The following PTGER4 variants were observed in gnomAD, a reference collection of about 807,000 sequenced individuals.
PTGER4 encodes prostaglandin E receptor 4.
Under a neutral mutation model 33.2 loss-of-function variants are expected in PTGER4, and 11 were observed. That is an observed-to-expected ratio of 0.33 (90% CI 0.21 to 0.55). The LOEUF is 0.55. Ranked by LOEUF, PTGER4 falls within the 20% of genes least tolerant of loss-of-function variation. PTGER4 has a pLI of 0.92. For missense variants in PTGER4, 481 were observed against 650.2 expected, an observed-to-expected ratio of 0.74 and a Z score of 2.83; for synonymous variants, 275 against 281.5, an observed-to-expected ratio of 0.98 and a Z score of 0.23.
chr5:40,728,689 A>C, the PTGER4 span, among the ~76,000 whole-genome samples: 1 of 152,094 alleles, frequency 6.6e-6, no homozygotes, highest in Non-Finnish European at 1.5e-5. Flanking sequence ...TTCCCTTTCC[A>C]GTTATTGAAT....
At chr5:40,723,075 T>C in the PTGER4 span, among the ~76,000 whole-genome samples, 9 of 152,148 alleles carry the variant, frequency 5.9e-5, no homozygotes, top group Admixed American at 5.2e-4. Flanking sequence ...GAGACTCCAT[T>C]TTGTTCTGTA....
the PTGER4 span, among the ~76,000 whole-genome samples, chr5:40,699,020 T>G: frequency 6.6e-6 from 1 of 152,196 alleles, no homozygotes; most frequent in Admixed American, 6.5e-5. Flanking sequence ...ACCCATGATG[T>G]ATTCTTGCCG....
Position 40,691,974 on chromosome 5 carries a change from C to T in PTGER4, c.1063C>T (p.Arg355Cys), listed in dbSNP as rs751358283. 5.9e-5 allele frequency: 96 copies of T among 1,613,954 alleles called. 1 individual carries two copies. The Admixed American group carries it at 1.5e-3, about 25-fold the overall frequency. Residue 355 changes from arginine to cysteine, a missense_variant, in exon 3 of 3, where the codon CGC becomes TGC. Transcript: ENST00000302472. The surrounding 1 kb of genome is among the most constrained non-coding windows in gnomAD (Gnocchi z 4.2). ...CCTCTTCTGCCGCATTGGCGGGTCC[C>T]GCAGGGAGCGCTCCGGACAGCACTG... ...KCLFCRIGGSRRERSGQHCSD... is the reference protein window; with the variant it reads ...KCLFCRIGGSCRERSGQHCSD...
At chr5:40,744,358 TAA>T in the PTGER4 span, among the ~76,000 whole-genome samples, 1 of 152,134 alleles carries the variant, frequency 6.6e-6, no homozygotes, top group East Asian at 1.9e-4. Context: ...TGTTTTATAT[TAA>T]GTTATAATAA....
At chr5:40,738,395 A>G in the PTGER4 span, among the ~76,000 whole-genome samples, 1 of 151,572 alleles carries the variant, frequency 6.6e-6, no homozygotes, top group African/African-American at 2.4e-5. Flanking sequence ...AGCCTGGGCA[A>G]CAGAGCAAGA....
chr5:40,691,892 G>T lies in PTGER4; in HGVS notation c.981G>T (p.Trp327Cys). 1.2e-6 allele frequency: 2 copies of T among 1,614,214 alleles called. No homozygotes were observed. Among genetic ancestry groups the T allele is most frequent in the Non-Finnish European group, 1.7e-6 (2 of 1,180,042 alleles). The change falls in exon 3 of 3, where the codon TGG becomes TGT. Residue 327 changes from tryptophan (W) to cysteine (C), a missense_variant. Transcript: ENST00000302472. This position sits in a 1 kb window ranked among gnomAD's most constrained non-coding sequence, Gnocchi z 4.2. The stretch of plus-strand genomic sequence containing the variant: ...CTGTGAACCCCATCCTAGACCCCTG[G>T]ATATATATCCTCCTGAGAAAGACAG... ...IASVNPILDP[W>C]IYILLRKTVL...
chr5:40,719,368 G>A, the PTGER4 span, among the ~76,000 whole-genome samples: 5 of 152,176 alleles, frequency 3.3e-5, no homozygotes, highest in Non-Finnish European at 5.9e-5. Flanking sequence ...AAGTTCATCC[G>A]TGTTGTAACA....
chr5:40,722,953 TGA>T, the PTGER4 span, among the ~76,000 whole-genome samples: 1 of 152,134 alleles, frequency 6.6e-6, no homozygotes, highest in Non-Finnish European at 1.5e-5. Flanking sequence ...AACAGCTCAT[TGA>T]GAGCGGGCCA....
the PTGER4 span, chr5:40,730,180 C>A: frequency 9.8e-7 from 1 of 1,018,808 alleles, no homozygotes; most frequent in African/African-American, 1.6e-5. Flanking sequence ...GGAGAAAATG[C>A]TATTTTGCTT....
chr5:40,706,260 A>G, the PTGER4 span, among the ~76,000 whole-genome samples: 1 of 152,176 alleles, frequency 6.6e-6, no homozygotes, highest in Non-Finnish European at 1.5e-5. Flanking sequence ...CTCACTTATA[A>G]GTGGGAGCTA....
chr5:40,717,653 G>T, the PTGER4 span, among the ~76,000 whole-genome samples: 32 of 152,296 alleles, frequency 2.1e-4, no homozygotes, highest in Admixed American at 9.2e-4. Flanking sequence ...ATGTTCTCTG[G>T]GGGTAAAACT....
At chr5:40,686,875 G>A (rs1741335950) in intron 2 of PTGER4, among the ~76,000 whole-genome samples, 1 of 152,166 alleles carries the variant, frequency 6.6e-6, no homozygotes, top group Non-Finnish European at 1.5e-5. Context: ...TCCAGCCTGG[G>A]TGACAGAGTG....
chr5:40,687,025 G>A (rs1184745069), intron 2 of PTGER4, among the ~76,000 whole-genome samples: 1 of 152,022 alleles, frequency 6.6e-6, no homozygotes, highest in Non-Finnish European at 1.5e-5. Flanking sequence ...TGTATTCAGT[G>A]AGTTTTTTTG....
chr5:40,699,573 C>G, the PTGER4 span, among the ~76,000 whole-genome samples: 1 of 152,068 alleles, frequency 6.6e-6, no homozygotes, highest in African/African-American at 2.4e-5. Flanking sequence ...GCCAATATCC[C>G]TCATGAACAC....
chr5:40,731,295 T>C, the PTGER4 span, among the ~76,000 whole-genome samples: 1 of 152,162 alleles, frequency 6.6e-6, no homozygotes, highest in South Asian at 2.1e-4. Context: ...ATACCTGTGC[T>C]CCACTCAGCA....
the PTGER4 span, among the ~76,000 whole-genome samples, chr5:40,740,099 C>G: frequency 6.6e-6 from 1 of 151,924 alleles, no homozygotes; most frequent in African/African-American, 2.4e-5. Flanking sequence ...TTCATGCTAT[C>G]TATTACAATT....
chr5:40,735,658 T>C, the PTGER4 span, among the ~76,000 whole-genome samples: 1 of 152,068 alleles, frequency 6.6e-6, no homozygotes, highest in Non-Finnish European at 1.5e-5. Context: ...ATTGTTGATC[T>C]GGAGAGCAAA....
At chr5:40,727,621 T>G in the PTGER4 span, among the ~76,000 whole-genome samples, 1 of 152,196 alleles carries the variant, frequency 6.6e-6, no homozygotes, top group South Asian at 2.1e-4. Flanking sequence ...TACCCTCCCA[T>G]ATTCTACTGT....
In PTGER4 at chr5:40,687,611, G is replaced by A. The variant is rs538542435; in HGVS notation, c.868-4168G>A. Among the ~76,000 whole-genome samples, 11 of 152,312 alleles carry A rather than the reference G, an allele frequency of 7.2e-5. No individual in the cohort carries two copies. In the South Asian group the frequency reaches 2.1e-3, roughly 29 times the overall value. ...TGCTCTATGTTTTCAAACATTGCAAGATGCGTGGAGTTTTTGTTTGTTTTG... is the reference window on the plus strand; with the variant it reads ...TGCTCTATGTTTTCAAACATTGCAAAATGCGTGGAGTTTTTGTTTGTTTTG... On this transcript the variant is annotated intron_variant, in intron 2 of 2. Transcript: ENST00000302472.
Sources: gnomAD v4.1 joint callset for allele counts (sites outside exome capture counted in the v4.1 genomes callset) on GRCh38, gnomAD v4.1.1 for gene constraint, Gnocchi (gnomAD v3.1) non-coding constraint, MANE v1.5 for transcripts, NCBI Gene and HGNC (gene_info 2026-07-23, HGNC 2026-07-21) for gene names.